The following ACTR3C variants were observed in gnomAD, a reference collection of about 807,000 sequenced individuals.
The protein encoded by ACTR3C is actin related protein 3C.
A neutral mutation model predicts 26.3 loss-of-function variants in ACTR3C; 18 were observed. That is an observed-to-expected ratio of 0.68 (90% confidence interval 0.47 to 1.01). The LOEUF (loss-of-function observed/expected upper bound fraction) is 1.01. Ranked by LOEUF, ACTR3C falls within the 50% of genes least tolerant of loss-of-function variation. The pLI is 0.00. For synonymous variants in ACTR3C, 55 were observed against 94.5 expected (o/e 0.58, Z 2.42); for missense variants, 184 against 250.7 (o/e 0.73, Z 1.80).
At chr7:150,318,786 A>G (rs1797196925) in intron 1 of ACTR3C, among the ~76,000 whole-genome samples, 1 of 146,352 alleles carries the variant, frequency 6.8e-6, no homozygotes, top group Non-Finnish European at 1.5e-5. Flanking sequence ...AAGAACATAC[A>G]GAGTTTTTCA....
At chr7:149,987,294 T>G in the ACTR3C span, among the ~76,000 whole-genome samples, 18 of 152,272 alleles carry the variant, frequency 1.2e-4, no homozygotes, top group African/African-American at 3.1e-4. Flanking sequence ...GGCCAGGCGC[T>G]GTGGCTCACG....
chr7:149,918,533 A>G, the ACTR3C span, among the ~76,000 whole-genome samples: 1 of 152,228 alleles, frequency 6.6e-6, no homozygotes, highest in Admixed American at 6.5e-5. Context: ...TCTACTAAAA[A>G]TACAAAACTA....
the ACTR3C span, among the ~76,000 whole-genome samples, chr7:150,084,738 G>A: frequency 6.6e-6 from 1 of 152,288 alleles, no homozygotes; most frequent in Admixed American, 6.5e-5. Flanking sequence ...GGTCTCAGAT[G>A]TGCAAAGGAG....
chr7:150,123,342 T>C, the ACTR3C span, among the ~76,000 whole-genome samples: 1 of 151,982 alleles, frequency 6.6e-6, no homozygotes, highest in Non-Finnish European at 1.5e-5. Flanking sequence ...TAGAGACAGA[T>C]GCACGTAAAG....
chr7:150,024,119 C>T, the ACTR3C span, among the ~76,000 whole-genome samples: 142,667 of 150,322 alleles, frequency 0.95, 67,958 homozygotes, highest in East Asian at 1. Flanking sequence ...CGTCACAGAC[C>T]AGAGTCAGGG....
At chr7:149,891,279 A>G in the ACTR3C span, 11 of 1,242,902 alleles carry the variant, frequency 8.9e-6, no homozygotes, top group Non-Finnish European at 1.2e-5. Context: ...CCAGTCTTCA[A>G]TGATTCCATG....
the ACTR3C span, among the ~76,000 whole-genome samples, chr7:149,967,028 ATTTTTTTT>A: frequency 3.4e-4 from 22 of 64,716 alleles, no homozygotes; most frequent in South Asian, 5.4e-3. Flanking sequence ...TGCACAGCTA[ATTTTTTTT>A]TTTTTTTTTT....
chr7:150,223,028 G>T, the ACTR3C span, among the ~76,000 whole-genome samples: 1,751 of 152,186 alleles, frequency 0.012, 35 homozygotes, highest in African/African-American at 0.04. Flanking sequence ...ATGTATATTT[G>T]TATAATCCAT....
intron 6 of ACTR3C, among the ~76,000 whole-genome samples, chr7:150,256,657 T>C (rs1443194153): frequency 1.3e-5 from 2 of 152,184 alleles, no homozygotes; most frequent in Non-Finnish European, 2.9e-5. Context: ...TGTTGTCTAC[T>C]ATGCTCACTA....
chr7:150,315,341 G>A (rs1796758995), intron 1 of ACTR3C, among the ~76,000 whole-genome samples: 1 of 151,966 alleles, frequency 6.6e-6, no homozygotes, highest in Non-Finnish European at 1.5e-5. Context: ...CAGCTGGGGA[G>A]GATCTTCACA....
chr7:150,157,300 A>G, the ACTR3C span, among the ~76,000 whole-genome samples: 1 of 152,124 alleles, frequency 6.6e-6, no homozygotes, highest in African/African-American at 2.4e-5. Context: ...GCTAAGATAC[A>G]AAGATACTCC....
At chr7:150,173,048 G>A in the ACTR3C span, among the ~76,000 whole-genome samples, 1 of 149,674 alleles carries the variant, frequency 6.7e-6, no homozygotes, top group Non-Finnish European at 1.5e-5. Flanking sequence ...CAGGTGAACG[G>A]TGCAAGCTGT....
chr7:150,198,757 G>A, the ACTR3C span, among the ~76,000 whole-genome samples: 1 of 147,598 alleles, frequency 6.8e-6, no homozygotes, highest in South Asian at 2.1e-4. Context: ...GGAGGTGGGG[G>A]GGGGTCAGCC....
chr7:150,084,040 T>C, the ACTR3C span, among the ~76,000 whole-genome samples: 1 of 152,212 alleles, frequency 6.6e-6, no homozygotes, highest in African/African-American at 2.4e-5. Context: ...CTAATTTTTT[T>C]CCAAAAACTT....
At chr7:150,081,614 TG>T in the ACTR3C span, among the ~76,000 whole-genome samples, 1 of 151,434 alleles carries the variant, frequency 6.6e-6, no homozygotes, top group Admixed American at 6.6e-5. Flanking sequence ...GCAAACATGA[TG>T]GAGGTTTAAA....
At position 150,315,955 on chromosome 7, in the gene ACTR3C, C is replaced by T. The variant is rs1355608717; in HGVS notation, c.-52+7514G>A. 6.6e-5 allele frequency among the ~76,000 whole-genome samples: 10 copies of T among 152,194 alleles called. No individual in the cohort carries two copies. In the South Asian group the frequency reaches 1.0e-3, roughly 16 times the overall value. On this transcript the variant is annotated intron_variant, in intron 1 of 7. Transcript: ENST00000683684. ...GCTCACGCCTGTAATCCCAGCACTT[C>T]GGGAGGCCGAGGCGGGTGGATCACC...
At chr7:150,091,650 G>A in the ACTR3C span, among the ~76,000 whole-genome samples, 5 of 111,502 alleles carry the variant, frequency 4.5e-5, no homozygotes, top group Non-Finnish European at 9.1e-5. Flanking sequence ...ATTTTCTCTG[G>A]GGGGTGGCTA....
the ACTR3C span, among the ~76,000 whole-genome samples, chr7:150,037,000 C>G: frequency 1.3e-5 from 1 of 79,222 alleles, no homozygotes; most frequent in Admixed American, 1.1e-4. Flanking sequence ...GCCTCCGCCC[C>G]CCTGCGATGG....
intron 3 of ACTR3C, among the ~76,000 whole-genome samples, chr7:150,292,775 G>A (rs1011533026): frequency 7.2e-5 from 11 of 152,148 alleles, no homozygotes; most frequent in African/African-American, 2.7e-4. Flanking sequence ...GGGATTACAG[G>A]CGTGAGCCAC....
Sources: allele counts gnomAD v4.1 joint callset (sites outside exome capture counted in the v4.1 genomes callset), GRCh38; gene constraint gnomAD v4.1.1; transcripts MANE v1.5; gene names NCBI Gene and HGNC (gene_info 2026-07-23, HGNC 2026-07-21).